PHAF1: variants seen among roughly 807,000 people sequenced by gnomAD.
The protein encoded by PHAF1 is phagosome assembly factor 1.
Under a neutral mutation model 63.1 loss-of-function variants are expected in PHAF1, and 23 were observed. That is an observed-to-expected ratio of 0.36 (90% CI 0.26 to 0.52). The LOEUF is 0.52. Among genes scored for constraint, PHAF1 ranks in the 20% least tolerant of loss-of-function variants. The pLI is 0.93. For synonymous variants in PHAF1, 167 were observed against 185.0 expected (o/e 0.90, Z 0.79); for missense variants, 427 against 517.2 (o/e 0.83, Z 1.69).
At chr16:67,110,749 G>C (rs1962479268) in intron 1 of PHAF1, among the ~76,000 whole-genome samples, 1 of 152,172 alleles carries the variant, frequency 6.6e-6, no homozygotes, top group African/African-American at 2.4e-5. Flanking sequence ...ATCAGATGTT[G>C]GGGCTCTGGT....
In PHAF1 at chr16:67,146,502, C is replaced by T. The variant is rs929082604; in HGVS notation, c.1182+152C>T. On this transcript the variant is annotated intron_variant, in intron 15 of 15. Transcript: ENST00000219139. ...CAACCGTGTCTGCTGCATACCTGGC[C>T]TCCCCACACTTAACAATGAAGGTTC... 7 of 806,468 alleles carry T rather than the reference C, an allele frequency of 8.7e-6. No homozygotes were observed. In the African/African-American group the frequency reaches 1.0e-4, roughly 12 times the overall value. 50.0% of individuals were successfully genotyped at this position (806,468 alleles called of 1,614,324 possible). A position where few individuals can be genotyped will look rare whatever the true frequency, so the allele number is the denominator to read the frequency against.
intron 1 of PHAF1, among the ~76,000 whole-genome samples, chr16:67,112,759 G>T (rs1157546343): frequency 6.6e-6 from 1 of 152,174 alleles, no homozygotes; most frequent in Non-Finnish European, 1.5e-5. Flanking sequence ...ATTGGGTCAA[G>T]AATTGAATTT....
Position 67,147,554 on chromosome 16 carries a change from A to G in PHAF1, c.*423A>G, listed in dbSNP as rs1338074162. ...ACATTGCCACATGACCCTTAAGGCA[A>G]GCAGGTAGCGTGTCCATAGTACTTG... is the stretch of plus-strand genomic sequence containing the variant. On this transcript the variant is annotated 3_prime_UTR_variant, in exon 16 of 16. Coordinates refer to ENST00000219139, the MANE Select transcript of PHAF1 (RefSeq NM_025187.5). 4 of 174,380 alleles carry G rather than the reference A, an allele frequency of 2.3e-5. No homozygotes were observed. Among genetic ancestry groups the G allele is most frequent in the Non-Finnish European group, 4.8e-5 (4 of 82,744 alleles). 10.8% of individuals were successfully genotyped at this position (174,380 alleles called of 1,614,324 possible). A position where few individuals can be genotyped will look rare whatever the true frequency, so the allele number is the denominator to read the frequency against.
intron 8 of PHAF1, chr16:67,134,879 T>G (rs1468005364): frequency 2.8e-6 from 1 of 357,186 alleles, no homozygotes; most frequent in African/African-American, 2.1e-5. Context: ...AACATATGAA[T>G]TTTAGGGGAA....
At chr16:67,145,751 C>A in intron 14 of PHAF1, 123 bp downstream of exon 14, 1 of 1,004,886 alleles carries the variant, frequency 1.0e-6, no homozygotes, top group Non-Finnish European at 1.4e-6. Context: ...TTGCCACAAG[C>A]ATACTTCCTG....
At chr16:67,129,561 C>G (rs996005332) in intron 3 of PHAF1, among the ~76,000 whole-genome samples, 1 of 152,220 alleles carries the variant, frequency 6.6e-6, no homozygotes, top group Non-Finnish European at 1.5e-5. Flanking sequence ...GCCAGATGTT[C>G]CTGCATACAA....
chr16:67,117,858 G>A (rs983957742), intron 1 of PHAF1, among the ~76,000 whole-genome samples: 33 of 149,824 alleles, frequency 2.2e-4, no homozygotes, highest in Non-Finnish European at 4.1e-4. Context: ...TGTCACCCAG[G>A]CCAGAGTGCA....
chr16:67,142,864 C>T (rs1193283183), intron 10 of PHAF1, among the ~76,000 whole-genome samples: 1 of 152,230 alleles, frequency 6.6e-6, no homozygotes, highest in East Asian at 1.9e-4. Flanking sequence ...GTCCCGGCCA[C>T]ACTTCCTCTG....
intron 7 of PHAF1, 44 bp downstream of exon 7, chr16:67,134,309 C>CT: frequency 6.2e-7 from 1 of 1,608,056 alleles, no homozygotes; most frequent in African/African-American, 1.3e-5. Context: ...CCTGGGCTGC[C>CT]TGGGAGAAAG....
intron 3 of PHAF1, among the ~76,000 whole-genome samples, chr16:67,130,055 T>C (rs1168587359): frequency 6.6e-6 from 1 of 152,244 alleles, no homozygotes. Context: ...TCTTTCTTTC[T>C]TTCTTTCTTT....
rs1963757353 is a variant in PHAF1, at chr16:67,140,243, A to AAACT, written c.795+127_795+130dup. On this transcript the variant is annotated intron_variant, in intron 9 of 15. Transcript: ENST00000219139. ...TAAAGCTAATGGTAAAGTAAATTGAAAACTGTTTTCTAACCCCTGTAGTCC... is the reference window on the plus strand; with the variant it reads ...TAAAGCTAATGGTAAAGTAAATTGAAAACTAACTGTTTTCTAACCCCTGTAGTCC... 4 of 1,281,050 alleles carry AAACT rather than the reference A, an allele frequency of 3.1e-6. No individual in the cohort carries two copies. In the East Asian group the frequency reaches 1.0e-4, roughly 32 times the overall value. 79.4% of individuals were successfully genotyped at this position (1,281,050 alleles called of 1,614,324 possible). A position where few individuals can be genotyped will look rare whatever the true frequency, so the allele number is the denominator to read the frequency against.
chr16:67,140,025 T>G lies in PHAF1; in HGVS notation c.703T>G (p.Phe235Val). 6.2e-7 allele frequency: 1 copy of G among 1,614,094 alleles called. No individual in the cohort carries two copies. Among genetic ancestry groups the G allele is most frequent in the Non-Finnish European group, 8.5e-7 (1 of 1,179,994 alleles). The change falls in exon 9 of 16, where the codon TTT becomes GTT. Residue 235 changes from phenylalanine to valine, a missense_variant. By Grantham distance (50) the Phe-to-Val change is conservative. Transcript: ENST00000219139. ...GLLADAKMRV[F>V]ERSVYFGDSC... ...ATTAGCAGATGCCAAGATGCGGGTATTTGAACGTTCAGTGTATTTTGGTGA... is the reference window on the plus strand; with the variant it reads ...ATTAGCAGATGCCAAGATGCGGGTAGTTGAACGTTCAGTGTATTTTGGTGA...
intron 1 of PHAF1, among the ~76,000 whole-genome samples, chr16:67,113,214 G>T (rs1246293167): frequency 6.6e-6 from 1 of 152,168 alleles, no homozygotes; most frequent in Non-Finnish European, 1.5e-5. Flanking sequence ...TGGAATCTGT[G>T]CAAATGCAGA....
intron 8 of PHAF1, among the ~76,000 whole-genome samples, chr16:67,136,554 C>CTTTTTTT (rs34174571): frequency 6.6e-5 from 4 of 60,412 alleles, no homozygotes; most frequent in African/African-American, 3.9e-4. Flanking sequence ...GCATTGATTC[C>CTTTTTTT]TTTTTTTTTT....
At chr16:67,145,000 CTG>C in intron 12 of PHAF1, 123 bp downstream of exon 12, 1 of 1,219,506 alleles carries the variant, frequency 8.2e-7, no homozygotes, top group South Asian at 1.3e-5. Context: ...CTCAGTTCCT[CTG>C]GGGTGGGCTC....
At chr16:67,124,175 G>A (rs1963094143) in intron 2 of PHAF1, among the ~76,000 whole-genome samples, 1 of 151,900 alleles carries the variant, frequency 6.6e-6, no homozygotes, top group South Asian at 2.1e-4. Flanking sequence ...CCTCCTCCAA[G>A]CAAGATTCCT....
chr16:67,118,339 T>TC (rs1195145066), intron 1 of PHAF1, among the ~76,000 whole-genome samples: 1 of 127,060 alleles, frequency 7.9e-6, no homozygotes, highest in Non-Finnish European at 1.7e-5. Flanking sequence ...TGCTTTTTTT[T>TC]TTTTTTTTTT....
chr16:67,147,127 C>T lies in PHAF1; in HGVS notation c.1265C>T (p.Pro422Leu). Residue 422 changes from proline to leucine, a missense_variant, in exon 16 of 16, where the codon CCC becomes CTC. Coordinates refer to ENST00000219139, the MANE Select transcript of PHAF1 (RefSeq NM_025187.5). ...PGSHLRTAEL[P>L] ...AGCCACCTGAGAACAGCGGAACTCC[C>T]CTAGGGACACCACCACCCATGCCCC... 1.9e-6 allele frequency: 3 copies of T among 1,609,542 alleles called. No individual in the cohort carries two copies. The highest frequency in any genetic ancestry group is 2.6e-6 in the Non-Finnish European group (3 of 1,175,886).
chr16:67,148,160 A>G lies in PHAF1; in HGVS notation c.*1029A>G, dbSNP rs1456901784. The G allele has an allele frequency of 6.5e-6, 1 of 152,686 alleles. No homozygotes were observed. The highest frequency in any genetic ancestry group is 2.4e-5 in the African/African-American group (1 of 41,462). 9.5% of individuals were successfully genotyped at this position (152,686 alleles called of 1,614,324 possible). On this transcript the variant is annotated 3_prime_UTR_variant, in exon 16 of 16. Coordinates refer to ENST00000219139, the MANE Select transcript of PHAF1 (RefSeq NM_025187.5). ...AGCAACTTGTGATACATAGATGACA[A>G]TTTTGTGAGTTTTTCAAATGTGTGT... is the stretch of plus-strand genomic sequence containing the variant.
Sources: allele counts gnomAD v4.1 joint callset (sites outside exome capture counted in the v4.1 genomes callset), GRCh38; gene constraint gnomAD v4.1.1; transcripts MANE v1.5; gene names NCBI Gene and HGNC (gene_info 2026-07-23, HGNC 2026-07-21).